MTR: variants seen among roughly 807,000 people sequenced by gnomAD.
MTR encodes methionine synthase.
A neutral mutation model predicts 154.8 loss-of-function variants in MTR; 84 were observed. That is an observed-to-expected ratio of 0.54 (90% CI 0.45 to 0.65). The LOEUF (loss-of-function observed/expected upper bound fraction) is 0.65. MTR is among the 30% of genes least tolerant of loss of function. MTR has a pLI of 0.00. For missense variants in MTR, 1,275 were observed against 1,570.2 expected (o/e 0.81, Z 3.18); for synonymous variants, 554 against 553.9 (o/e 1.00, Z 0.00).
intron 27 of MTR, among the ~76,000 whole-genome samples, chr1:236,888,776 C>A (rs776668547): frequency 6.6e-6 from 1 of 152,176 alleles, no homozygotes. Flanking sequence ...TGATTGTTTC[C>A]GGTTTTGAAA....
intron 2 of MTR, among the ~76,000 whole-genome samples, chr1:236,803,984 G>A (rs1370270888): frequency 2.0e-5 from 3 of 152,122 alleles, no homozygotes; most frequent in Non-Finnish European, 2.9e-5. Flanking sequence ...AAAGGTGGTT[G>A]GTATCTTAGC....
chr1:236,798,051 A>T (rs560432584), intron 1 of MTR, among the ~76,000 whole-genome samples: 5 of 152,218 alleles, frequency 3.3e-5, no homozygotes, highest in African/African-American at 1.2e-4. Context: ...AATGAAAGAG[A>T]GAAGTATCTT....
Position 236,833,158 on chromosome 1 carries a change from C to A in MTR, c.1188+1080C>A, listed in dbSNP as rs1662712164. Among the ~76,000 whole-genome samples the A allele has an allele frequency of 2.0e-5, 3 of 152,186 alleles. No homozygotes were observed. In the South Asian group the frequency reaches 6.2e-4, roughly 31 times the overall value. On this transcript the variant is annotated intron_variant, in intron 13 of 32. Coordinates refer to ENST00000366577, the MANE Select transcript of MTR (RefSeq NM_000254.3). ...CAGGAGGCTCGCTTCTGACTCTGTGCCTTTGTTCTTGTTTGCTTCCTTCTG... is the reference window on the plus strand; with the variant it reads ...CAGGAGGCTCGCTTCTGACTCTGTGACTTTGTTCTTGTTTGCTTCCTTCTG...
intron 3 of MTR, among the ~76,000 whole-genome samples, chr1:236,806,847 CT>C (rs1439605743): frequency 6.6e-6 from 1 of 152,074 alleles, no homozygotes; most frequent in African/African-American, 2.4e-5. Flanking sequence ...AGTATTTGGC[CT>C]TTTGTGACTA....
chr1:236,895,770 A>G (rs1226610233), intron 31 of MTR, among the ~76,000 whole-genome samples: 1 of 152,218 alleles, frequency 6.6e-6, no homozygotes, highest in Non-Finnish European at 1.5e-5. Context: ...AATTTAAATT[A>G]TTTCCTCTTG....
chr1:236,808,708 A>G lies in MTR; in HGVS notation c.344A>G (p.Tyr115Cys), dbSNP rs761569144. The stretch of plus-strand genomic sequence containing the variant: ...CGTTTGTGGTTGATACGTTAGGCCT[A>G]CCGGATGAACATGTGCTCTGCAGGA... ...QADYGLEHLAYRMNMCSAGVA... is the reference protein window; with the variant it reads ...QADYGLEHLACRMNMCSAGVA... The change falls in exon 4 of 33, where the codon TAC (tyrosine) becomes TGC (cysteine). Residue 115 changes from tyrosine (Y) to cysteine (C), a missense_variant. Tyr to Cys is a radical substitution (Grantham distance 194). Coordinates refer to ENST00000366577, the MANE Select transcript of MTR (RefSeq NM_000254.3). 3.4e-5 allele frequency: 55 copies of G among 1,614,078 alleles called. No individual in the cohort carries two copies. Among genetic ancestry groups the G allele is most frequent in the Non-Finnish European group, 4.5e-5 (53 of 1,180,024 alleles).
chr1:236,820,552 G>T, intron 8 of MTR: 3 of 618,116 alleles, frequency 4.9e-6, no homozygotes, highest in Non-Finnish European at 5.7e-6. Flanking sequence ...AAGTAACATG[G>T]AAATAAGGCT....
At chr1:236,867,723 A>C (rs933847438) in intron 22 of MTR, among the ~76,000 whole-genome samples, 2 of 152,134 alleles carry the variant, frequency 1.3e-5, no homozygotes, top group Non-Finnish European at 2.9e-5. Flanking sequence ...GTTGATTCCA[A>C]CTCTCATAGA....
In MTR at chr1:236,861,201, T is replaced by C; in HGVS notation, c.2120T>C (p.Ile707Thr). The C allele has an allele frequency of 6.2e-7, 1 of 1,612,792 alleles. No individual in the cohort carries two copies. The highest frequency in any genetic ancestry group is 8.5e-7 in the Non-Finnish European group (1 of 1,179,670). ...AAAAAATATCCCCGACCTCTCAATA[T>C]AATTGAAGGACCCCTGATGAATGGA... is the stretch of plus-strand genomic sequence containing the variant. ...NQKKYPRPLN[I>T]IEGPLMNGMK... Residue 707 changes from isoleucine (I) to threonine (T), a missense_variant, in exon 20 of 33, where the codon ATA becomes ACA. Transcript: ENST00000366577.
At chr1:236,820,468 C>A in intron 8 of MTR, 1 of 1,403,190 alleles carries the variant, frequency 7.1e-7, no homozygotes, top group Non-Finnish European at 9.9e-7. Flanking sequence ...TGGTCTGCAG[C>A]TCCCACTGCT....
chr1:236,891,116 T>C lies in MTR; in HGVS notation c.3008-17T>C. 1.2e-6 allele frequency: 2 copies of C among 1,613,992 alleles called. No homozygotes were observed. The highest frequency in any genetic ancestry group is 1.7e-6 in the Non-Finnish European group (2 of 1,179,834). On this transcript the variant is annotated splice_polypyrimidine_tract_variant and intron_variant, in intron 28 of 32. Coordinates refer to ENST00000366577, the MANE Select transcript of MTR (RefSeq NM_000254.3). ...TTTGGCATCTTTAAGTGAATTCTAATTCTGTTTTTCTAATAGGTGGAGAGG... is the reference window on the plus strand; with the variant it reads ...TTTGGCATCTTTAAGTGAATTCTAACTCTGTTTTTCTAATAGGTGGAGAGG...
chr1:236,877,170 C>G (rs944118345), intron 24 of MTR, among the ~76,000 whole-genome samples: 1 of 152,242 alleles, frequency 6.6e-6, no homozygotes, highest in Non-Finnish European at 1.5e-5. Flanking sequence ...TTTCCCAGTT[C>G]TGACTCCATT....
intron 8 of MTR, among the ~76,000 whole-genome samples, chr1:236,817,194 G>T (rs1395025582): frequency 6.6e-6 from 1 of 152,094 alleles, no homozygotes; most frequent in Admixed American, 6.5e-5. Context: ...GAGTGACATG[G>T]AAGAGTATCT....
intron 6 of MTR, among the ~76,000 whole-genome samples, chr1:236,813,733 C>A (rs997235551): frequency 3.3e-5 from 5 of 151,960 alleles, no homozygotes; most frequent in African/African-American, 1.2e-4. Flanking sequence ...AAAATTGAGT[C>A]CTTTACTGAG....
intron 16 of MTR, among the ~76,000 whole-genome samples, chr1:236,850,893 A>G (rs1327343941): frequency 6.6e-6 from 1 of 152,192 alleles, no homozygotes; most frequent in Non-Finnish European, 1.5e-5. Flanking sequence ...TATGAAGCAT[A>G]TAAGAGCCTT....
At chr1:236,834,234 C>T (rs567169185) in intron 13 of MTR, among the ~76,000 whole-genome samples, 7 of 152,304 alleles carry the variant, frequency 4.6e-5, no homozygotes, top group East Asian at 1.9e-4. Context: ...GGCTGGAGTG[C>T]GATGGCATGA....
intron 27 of MTR, 97 bp downstream of exon 27, chr1:236,886,464 A>C: frequency 1.8e-6 from 2 of 1,086,468 alleles, no homozygotes; most frequent in Non-Finnish European, 1.4e-6. Flanking sequence ...TCAAACCAGC[A>C]GCTAACGACT....
chr1:236,843,709 A>G (rs954283866), intron 15 of MTR, among the ~76,000 whole-genome samples: 6 of 152,220 alleles, frequency 3.9e-5, no homozygotes, highest in African/African-American at 1.4e-4. Context: ...ACATAGAGCC[A>G]ATAGGATTTG....
At chr1:236,811,496 G>A in intron 5 of MTR, 1 of 425,252 alleles carries the variant, frequency 2.4e-6, no homozygotes, top group South Asian at 1.7e-5. Flanking sequence ...TACCATGTCT[G>A]GTAGTGCAGT....
Sources: gnomAD v4.1 joint callset for allele counts (sites outside exome capture counted in the v4.1 genomes callset) on GRCh38, gnomAD v4.1.1 for gene constraint, MANE v1.5 for transcripts, NCBI Gene and HGNC (gene_info 2026-07-23, HGNC 2026-07-21) for gene names.